Variants in APBA2 observed in about 807,000 individuals in gnomAD.
APBA2 encodes amyloid-beta A4 precursor protein-binding family A member 2.
APBA2 carries 30 observed loss-of-function variants against 75.0 expected under a neutral mutation model. The ratio of observed to expected loss-of-function variants is 0.40; its 90% CI spans 0.30 to 0.54. The LOEUF is 0.54. Among genes scored for constraint, APBA2 ranks in the 20% least tolerant of loss-of-function variants. The pLI is 0.49. For missense variants in APBA2, 801 were observed against 1,016.1 expected (o/e 0.79, Z 2.88); for synonymous variants, 444 against 409.6 (o/e 1.08, Z -1.01).
intron 2 of APBA2, among the ~76,000 whole-genome samples, chr15:28,942,052 C>A (rs1334975706): frequency 1.3e-5 from 2 of 152,258 alleles, no homozygotes; most frequent in African/African-American, 4.8e-5. Context: ...AGCCACTGCG[C>A]CTGGCCTCAT....
intron 2 of APBA2, among the ~76,000 whole-genome samples, chr15:28,949,442 C>G (rs1312655913): frequency 6.6e-6 from 1 of 152,168 alleles, no homozygotes; most frequent in African/African-American, 2.4e-5. Context: ...GAGGTGCCTG[C>G]CCTCCTGGGA....
intron 6 of APBA2, among the ~76,000 whole-genome samples, chr15:29,081,944 C>A (rs2043100889): frequency 6.6e-6 from 1 of 152,220 alleles, no homozygotes; most frequent in Admixed American, 6.5e-5. Flanking sequence ...CTCTGATAGA[C>A]ACGGGCAGAA....
At chr15:28,993,352 A>G (rs1318339589) in intron 2 of APBA2, among the ~76,000 whole-genome samples, 1 of 152,218 alleles carries the variant, frequency 6.6e-6, no homozygotes, top group Admixed American at 6.5e-5. Flanking sequence ...CCTGCATGGA[A>G]ACGAAAATGA....
chr15:29,054,325 G>A lies in APBA2; in HGVS notation c.441G>A (p.Pro147=), dbSNP rs375569614. The A allele has an allele frequency of 4.8e-5, 78 of 1,613,772 alleles. No homozygotes were observed. Among genetic ancestry groups the A allele is most frequent in the Non-Finnish European group, 6.1e-5 (72 of 1,180,000 alleles). The change falls in exon 4 of 15, where the codon CCG becomes CCA. Residue 147 remains proline (P), a synonymous_variant. Coordinates refer to ENST00000683413, the MANE Select transcript of APBA2 (RefSeq NM_001353788.2). The surrounding 1 kb of genome is among the most constrained non-coding windows in gnomAD (Gnocchi z 6.1). ...AVEEWTDSAG[P]HPHGHEAEGS... Reference sequence around the variant, plus strand: ...AGGAGTGGACGGACTCGGCGGGCCCGCACCCCCACGGCCACGAGGCTGAAG... The same window carrying A: ...AGGAGTGGACGGACTCGGCGGGCCCACACCCCCACGGCCACGAGGCTGAAG...
rs1017655086 is a variant in APBA2, at chr15:28,973,034, C to T, written c.-94-22719C>T. 3.9e-5 allele frequency among the ~76,000 whole-genome samples: 6 copies of T among 152,300 alleles called. No homozygotes were observed. The South Asian group carries it at 1.0e-3, about 26-fold the overall frequency. ...TTAATTTGGAGAACTCCCAAGTATA[C>T]GATCAGCCCCTGACATCTGCAGACT... On this transcript the variant is annotated intron_variant, in intron 2 of 14. Transcript: ENST00000683413.
At chr15:28,999,519 A>G (rs1000197156) in intron 3 of APBA2, among the ~76,000 whole-genome samples, 7 of 152,234 alleles carry the variant, frequency 4.6e-5, no homozygotes, top group African/African-American at 1.7e-4. Flanking sequence ...GATGTTGGCA[A>G]ATTAGAAAGT....
chr15:28,979,217 T>C (rs2037496066), intron 2 of APBA2, among the ~76,000 whole-genome samples: 1 of 152,164 alleles, frequency 6.6e-6, no homozygotes, highest in Non-Finnish European at 1.5e-5. Context: ...CATCTATCTG[T>C]GGCTCTTTCT....
intron 2 of APBA2, among the ~76,000 whole-genome samples, chr15:28,967,844 C>A (rs1461512601): frequency 1.3e-5 from 2 of 152,130 alleles, no homozygotes; most frequent in African/African-American, 2.4e-5. Context: ...AGGTCAGTGA[C>A]GTTAAGGACA....
chr15:28,930,882 G>A (rs538365296), intron 2 of APBA2, among the ~76,000 whole-genome samples: 1 of 152,282 alleles, frequency 6.6e-6, no homozygotes, highest in Admixed American at 6.5e-5. Context: ...CCTTCAAGGC[G>A]GCCCCAGGCT....
Position 29,076,064 on chromosome 15 carries a change from G to A in APBA2, c.1042G>A (p.Val348Met), listed in dbSNP as rs778998723. ...CCATATTTCCTAACAGACAAAGAAG[G>A]TGGCATCATTTCCAAGTTTTGTGGC... ...DNNNIPETKK[V>M]ASFPSFVAVP... Residue 348 changes from valine (V) to methionine (M), a missense_variant, in exon 6 of 15, where the codon GTG (valine) becomes ATG (methionine). By Grantham distance (21) the Val-to-Met change is conservative. This residue lies in a region of APBA2 where 434 missense variants were observed against 471.6 expected (regional missense o/e 0.92). Transcript: ENST00000683413. The A allele has an allele frequency of 1.2e-6, 2 of 1,614,174 alleles. No individual in the cohort carries two copies. Among genetic ancestry groups the A allele is most frequent in the South Asian group, 1.1e-5 (1 of 91,084 alleles).
At chr15:28,915,097 C>CCG (rs1595446780) in intron 1 of APBA2, among the ~76,000 whole-genome samples, 2 of 45,668 alleles carry the variant, frequency 4.4e-5, no homozygotes, top group African/African-American at 7.9e-5. Flanking sequence ...CACAAACATA[C>CCG]CATACCCACC....
At chr15:28,934,885 G>A (rs145968887) in intron 2 of APBA2, among the ~76,000 whole-genome samples, 1 of 152,344 alleles carries the variant, frequency 6.6e-6, no homozygotes, top group African/African-American at 2.4e-5. Flanking sequence ...GGGAAGGGAG[G>A]CAGGTCCCTG....
intron 1 of APBA2, among the ~76,000 whole-genome samples, chr15:28,916,625 A>C (rs2033702208): frequency 1.3e-5 from 2 of 151,952 alleles, no homozygotes; most frequent in African/African-American, 4.8e-5. Flanking sequence ...CAGTGTGTGT[A>C]TTCTCTAGCC....
chr15:28,950,250 C>A (rs1566832971), intron 2 of APBA2, among the ~76,000 whole-genome samples: 1 of 152,180 alleles, frequency 6.6e-6, no homozygotes. Flanking sequence ...ATCAATGTTG[C>A]ATGATATCAA....
At chr15:29,076,981 A>G (rs2042879460) in intron 6 of APBA2, among the ~76,000 whole-genome samples, 1 of 152,174 alleles carries the variant, frequency 6.6e-6, no homozygotes, top group African/African-American at 2.4e-5. Context: ...TTGAAACTGG[A>G]TTAACTGGCT....
At chr15:28,926,584 A>C (rs914153152) in intron 2 of APBA2, among the ~76,000 whole-genome samples, 1 of 152,084 alleles carries the variant, frequency 6.6e-6, no homozygotes, top group African/African-American at 2.4e-5. Context: ...AAAATAGAAA[A>C]TTTTATTTCA....
chr15:29,057,497 A>G (rs1256792786), intron 4 of APBA2, among the ~76,000 whole-genome samples: 1 of 152,242 alleles, frequency 6.6e-6, no homozygotes, highest in East Asian at 1.9e-4. Context: ...CATGGTCCCT[A>G]CTACCCTAAC....
At chr15:28,934,991 C>T (rs1488035625) in intron 2 of APBA2, among the ~76,000 whole-genome samples, 1 of 152,164 alleles carries the variant, frequency 6.6e-6, no homozygotes, top group Non-Finnish European at 1.5e-5. Context: ...TCAGTGCTCC[C>T]ATGGCATGGT....
chr15:28,954,196 C>G (rs2036043367), intron 2 of APBA2, among the ~76,000 whole-genome samples: 1 of 152,194 alleles, frequency 6.6e-6, no homozygotes, highest in African/African-American at 2.4e-5. Context: ...CTGTCATCTC[C>G]TTGCTAGATT....
Sources: allele counts gnomAD v4.1 joint callset (sites outside exome capture counted in the v4.1 genomes callset), GRCh38; gene constraint gnomAD v4.1.1; regional missense constraint gnomAD v4.1.1; non-coding constraint Gnocchi (gnomAD v3.1); transcripts MANE v1.5; gene names NCBI Gene and HGNC (gene_info 2026-07-23, HGNC 2026-07-21).